PDXK: variants seen among roughly 807,000 people sequenced by gnomAD.
PDXK encodes the protein epididymis secretory sperm binding protein Li 1a.
PDXK carries 15 observed loss-of-function variants against 43.2 expected under a neutral mutation model. The observed-to-expected ratio is 0.35, with a 90% CI of 0.23 to 0.53. The LOEUF is 0.53. PDXK is among the 20% of genes least tolerant of loss of function. The pLI, the probability that PDXK is intolerant of heterozygous loss-of-function variation, is 0.92. For missense variants in PDXK, 343 were observed against 417.0 expected (o/e 0.82, Z 1.54); for synonymous variants, 172 against 165.4 (o/e 1.04, Z -0.31).
chr21:43,742,575 T>G (rs888248211), intron 3 of PDXK, among the ~76,000 whole-genome samples: 1 of 152,186 alleles, frequency 6.6e-6, no homozygotes, highest in African/African-American at 2.4e-5. Flanking sequence ...CCTCTCTACA[T>G]GTCTAAAGGT....
intron 1 of PDXK, among the ~76,000 whole-genome samples, chr21:43,724,577 C>T (rs541498499): frequency 2.0e-5 from 3 of 151,850 alleles, no homozygotes; most frequent in Non-Finnish European, 4.4e-5. Context: ...TGCGGTGGCT[C>T]ACACCTATAA....
At chr21:43,755,396 C>T in intron 9 of PDXK, 1 of 419,872 alleles carries the variant, frequency 2.4e-6, no homozygotes, top group South Asian at 2.9e-5. Flanking sequence ...CTGGGAACTC[C>T]TACCAAGCTC....
rs1313985823 is a variant in PDXK at position 43,756,811 on chromosome 21, C to G, written c.*748C>G. 1 of 152,292 alleles carries G rather than the reference C, an allele frequency of 6.6e-6. No homozygotes were observed. The highest frequency in any genetic ancestry group is 1.5e-5 in the Non-Finnish European group (1 of 68,090). The allele number at this position is 152,292 out of a possible 1,614,324, so 9.4% of individuals were successfully genotyped here. A position where few individuals can be genotyped will look rare whatever the true frequency, so the allele number is the denominator to read the frequency against. On this transcript the variant is annotated 3_prime_UTR_variant, in exon 11 of 11. Coordinates refer to ENST00000291565, the MANE Select transcript of PDXK (RefSeq NM_003681.5). ...TCCGCCGAGTGACTTGAGGAAGATG[C>G]TAACGCAGTAAGGTCTGTGCTGGGC...
chr21:43,728,125 A>AG (rs2083272224), intron 1 of PDXK, among the ~76,000 whole-genome samples: 1 of 152,114 alleles, frequency 6.6e-6, no homozygotes, highest in African/African-American at 2.4e-5. Context: ...GTGAAGGCTG[A>AG]GGCAGGGGTG....
rs1274922303 is a variant in PDXK at position 43,723,008 on chromosome 21, T to G, written c.87+3627T>G. Among the ~76,000 whole-genome samples, 5 of 151,958 alleles carry G rather than the reference T, an allele frequency of 3.3e-5. No individual in the cohort carries two copies. The East Asian group carries it at 9.7e-4, about 30-fold the overall frequency. ...GCCCGCCACCACGCCTGGCTAATTT[T>G]TTTGTATTTTTAGTAGAGACGGGGT... On this transcript the variant is annotated intron_variant, in intron 1 of 10. Transcript: ENST00000291565. The surrounding 1 kb of genome is among the most constrained non-coding windows in gnomAD (Gnocchi z 4.1).
intron 1 of PDXK, among the ~76,000 whole-genome samples, chr21:43,720,625 G>A (rs975156410): frequency 1.3e-5 from 2 of 152,076 alleles, no homozygotes; most frequent in Non-Finnish European, 2.9e-5. Flanking sequence ...AGGGTGCACC[G>A]GTTCTGTGGC....
intron 7 of PDXK, among the ~76,000 whole-genome samples, chr21:43,751,182 G>A (rs1034513193): frequency 6.6e-6 from 1 of 152,202 alleles, no homozygotes; most frequent in African/African-American, 2.4e-5. Context: ...TGCTAGCATT[G>A]AACCTTGGTT....
chr21:43,726,924 T>A lies in PDXK; in HGVS notation c.88-7145T>A, dbSNP rs141484533. 1.8e-3 allele frequency among the ~76,000 whole-genome samples: 270 copies of A among 152,232 alleles called. 2 individuals carry two copies. The Middle Eastern group carries it at 0.027, about 15-fold the overall frequency. ...CATGTGTGCATGTGGGATGCATGTGTATGGGGCATGTGTGCATGGCGTGTG... is the reference window on the plus strand; with the variant it reads ...CATGTGTGCATGTGGGATGCATGTGAATGGGGCATGTGTGCATGGCGTGTG... On this transcript the variant is annotated intron_variant, in intron 1 of 10. Transcript: ENST00000291565.
chr21:43,724,626 G>A (rs1033371295), intron 1 of PDXK, among the ~76,000 whole-genome samples: 2 of 151,416 alleles, frequency 1.3e-5, no homozygotes, highest in African/African-American at 4.9e-5. Context: ...GGGATCACTT[G>A]AGCCTGGGAG....
intron 2 of PDXK, chr21:43,741,096 G>A (rs1316045977): frequency 7.6e-6 from 1 of 131,790 alleles, no homozygotes; most frequent in East Asian, 2.3e-4. Flanking sequence ...GCAGGAACTG[G>A]CAGTGGGAGT....
At chr21:43,743,872 C>A in intron 4 of PDXK, 65 bp downstream of exon 4, 2 of 1,157,094 alleles carry the variant, frequency 1.7e-6, no homozygotes, top group Non-Finnish European at 2.6e-6. Context: ...GGCCTGGGAG[C>A]CCGGGAAGGG....
Position 43,726,270 on chromosome 21 carries a change from C to CTTT in PDXK, c.87+6907_87+6909dup, listed in dbSNP as rs1182376121. ...GTCCCGTTTTCCATTTTTTCTTTTT[C>CTTT]TTTTTTTTTTTTTTTTTTTTGAGAC... On this transcript the variant is annotated intron_variant, in intron 1 of 10. Coordinates refer to ENST00000291565, the MANE Select transcript of PDXK (RefSeq NM_003681.5). Among the ~76,000 whole-genome samples the CTTT allele has an allele frequency of 7.6e-4, 89 of 116,824 alleles. 1 individual carries two copies. Among genetic ancestry groups the CTTT allele is most frequent in the African/African-American group, 1.2e-3 (33 of 27,512 alleles). 76.6% of individuals were successfully genotyped at this position (116,824 alleles called of 152,430 possible). A position where few individuals can be genotyped will look rare whatever the true frequency, so the allele number is the denominator to read the frequency against.
intron 2 of PDXK, among the ~76,000 whole-genome samples, chr21:43,739,067 G>A (rs1211534062): frequency 6.6e-6 from 1 of 151,864 alleles, no homozygotes; most frequent in Non-Finnish European, 1.5e-5. Flanking sequence ...CCAAGTAGCT[G>A]GGACTACAGG....
At chr21:43,731,297 A>C (rs1237455228) in intron 1 of PDXK, among the ~76,000 whole-genome samples, 1 of 151,508 alleles carries the variant, frequency 6.6e-6, no homozygotes, top group African/African-American at 2.4e-5. Context: ...GCCTGAGAAA[A>C]CTCTGCTTTT....
chr21:43,750,680 C>G lies in PDXK; in HGVS notation c.510+135C>G, dbSNP rs2083720595. On this transcript the variant is annotated intron_variant, in intron 7 of 10. Transcript: ENST00000291565. ...GAACAGTCTGTACCAGTCGGGGCCT[C>G]CAGAGATCAGCAGGATATATGTGTG... 5 of 625,350 alleles carry G rather than the reference C, an allele frequency of 8.0e-6. No individual in the cohort carries two copies. The Admixed American group carries it at 1.4e-4, about 17-fold the overall frequency. The allele number at this position is 625,350 out of a possible 1,614,324, so 38.7% of individuals were successfully genotyped here. A position where few individuals can be genotyped will look rare whatever the true frequency, so the allele number is the denominator to read the frequency against.
intron 6 of PDXK, among the ~76,000 whole-genome samples, chr21:43,749,546 C>T (rs1488667605): frequency 6.6e-6 from 1 of 152,278 alleles, no homozygotes; most frequent in Non-Finnish European, 1.5e-5. Flanking sequence ...TGCCATGGGG[C>T]GAGTGCCCCT....
rs1352919024 is a variant in PDXK, at chr21:43,741,673, C to G, written c.149C>G (p.Ala50Gly). ...TGGCTTCCTCTGCCTCTAGGCTATG[C>G]CCACTGGAAGGGCCAAGTGCTGAAT... The part of the protein sequence containing the change: ...SVQFSNHTGY[A>G]HWKGQVLNSD... Residue 50 changes from alanine (A) to glycine (G), a missense_variant, in exon 3 of 11, where the codon GCC becomes GGC. Physicochemically the swap from Ala to Gly is moderately conservative, Grantham distance 60. Coordinates refer to ENST00000291565, the MANE Select transcript of PDXK (RefSeq NM_003681.5). 1 of 1,611,592 alleles carries G rather than the reference C, an allele frequency of 6.2e-7. No homozygotes were observed. Among genetic ancestry groups the G allele is most frequent in the African/African-American group, 1.3e-5 (1 of 74,846 alleles).
At chr21:43,744,380 G>A (rs187985875) in intron 4 of PDXK, 6 of 162,226 alleles carry the variant, frequency 3.7e-5, no homozygotes, top group Admixed American at 3.5e-4. Context: ...CTTGCAGACA[G>A]GCTCTCTCTG....
chr21:43,759,090 A>C lies in PDXK; in HGVS notation c.*3027A>C, dbSNP rs541775540. On this transcript the variant is annotated 3_prime_UTR_variant, in exon 11 of 11. Transcript: ENST00000291565. ...CCATCTTGAGATCACCAGGCAAGAG[A>C]GTTGCCTGCACCAGGTAAGAGGCCA... 1 of 152,356 alleles carries C rather than the reference A, an allele frequency of 6.6e-6. No individual in the cohort carries two copies. The highest frequency in any genetic ancestry group is 2.1e-4 in the South Asian group (1 of 4,826). The allele number at this position is 152,356 out of a possible 1,614,324, so 9.4% of individuals were successfully genotyped here.
Sources: gnomAD v4.1 joint callset for allele counts (sites outside exome capture counted in the v4.1 genomes callset) on GRCh38, gnomAD v4.1.1 for gene constraint, Gnocchi (gnomAD v3.1) non-coding constraint, MANE v1.5 for transcripts, NCBI Gene and HGNC (gene_info 2026-07-23, HGNC 2026-07-21) for gene names.